The following CHCHD6 variants were observed in gnomAD, a reference collection of about 807,000 sequenced individuals.
CHCHD6 encodes coiled-coil-helix-coiled-coil-helix domain containing 6.
Under a neutral mutation model 32.3 loss-of-function variants are expected in CHCHD6, and 28 were observed. The ratio of observed to expected loss-of-function variants is 0.87; its 90% CI spans 0.64 to 1.19. CHCHD6 has a LOEUF of 1.19. CHCHD6 is among the 50% of genes most tolerant of loss of function. The pLI is 0.00. For missense variants in CHCHD6, 333 were observed against 307.0 expected, an observed-to-expected ratio of 1.08 and a Z score of -0.63; for synonymous variants, 122 against 117.5, an observed-to-expected ratio of 1.04 and a Z score of -0.25.
chr3:126,827,885 C>G (rs755184851), intron 4 of CHCHD6, among the ~76,000 whole-genome samples: 3 of 152,142 alleles, frequency 2.0e-5, no homozygotes, highest in African/African-American at 4.8e-5. Flanking sequence ...AGCACATGTT[C>G]AGAAATGTCA....
chr3:126,727,135 A>G lies in CHCHD6; in HGVS notation c.145A>G (p.Thr49Ala), dbSNP rs1935570879. ...GCCCAGCTCTCCACCCCCTGCTCCC[A>G]CATCTTCTACCTTTGGCCTTCAAGA... ...KEPSSPPPAP[T>A]SSTFGLQDGN... Residue 49 changes from threonine (T) to alanine (A), a missense_variant, in exon 2 of 8, where the codon ACA becomes GCA. Thr to Ala is a moderately conservative substitution (Grantham distance 58, BLOSUM62 0). Coordinates refer to ENST00000290913, the MANE Select transcript of CHCHD6 (RefSeq NM_032343.3). 3 of 1,614,094 alleles carry G rather than the reference A, an allele frequency of 1.9e-6. No homozygotes were observed.
At position 126,767,428 on chromosome 3, in the gene CHCHD6, A is replaced by G. The variant is rs540105865; in HGVS notation, c.411+34206A>G. On this transcript the variant is annotated intron_variant, in intron 4 of 7. Transcript: ENST00000290913. ...GGGCTCCTACTCTCTTGGTGTCACC[A>G]TGTCCCAGCTGCCCTTTCTCATTCC... 3.1e-5 allele frequency: 22 copies of G among 718,048 alleles called. No individual in the cohort carries two copies. In the East Asian group the frequency reaches 5.9e-4, roughly 19 times the overall value. 44.5% of individuals were successfully genotyped at this position (718,048 alleles called of 1,614,324 possible).
In CHCHD6 at chr3:126,760,403, T is replaced by C. The variant is rs185756173; in HGVS notation, c.411+27181T>C. ...GTATACAATTCATTGGCTTTAATTA[T>C]AGTCACAATGTTGTGCAACCATCAC... On this transcript the variant is annotated intron_variant, in intron 4 of 7. Transcript: ENST00000290913. Among the ~76,000 whole-genome samples, 161 of 152,342 alleles carry C rather than the reference T, an allele frequency of 1.1e-3. 2 individuals are homozygous for C. The East Asian group carries it at 0.026, about 25-fold the overall frequency.
intron 4 of CHCHD6, among the ~76,000 whole-genome samples, chr3:126,832,736 G>T (rs187973991): frequency 6.6e-6 from 1 of 152,310 alleles, no homozygotes; most frequent in East Asian, 1.9e-4. Context: ...TTTGGAAACA[G>T]GACTCAAGTA....
chr3:126,755,079 T>A (rs1356893600), intron 4 of CHCHD6, among the ~76,000 whole-genome samples: 2 of 152,206 alleles, frequency 1.3e-5, no homozygotes, highest in African/African-American at 2.4e-5. Flanking sequence ...GCCAGCTGTG[T>A]TCTGGCTCTA....
At chr3:126,793,678 A>G (rs1008157321) in intron 4 of CHCHD6, among the ~76,000 whole-genome samples, 2 of 152,134 alleles carry the variant, frequency 1.3e-5, no homozygotes, top group Admixed American at 6.5e-5. Context: ...CATTCCAAAC[A>G]TGTTCTCAGT....
chr3:126,798,221 A>G (rs1477594023), intron 4 of CHCHD6, among the ~76,000 whole-genome samples: 1 of 152,122 alleles, frequency 6.6e-6, no homozygotes, highest in African/African-American at 2.4e-5. Context: ...AGGAGTGCTG[A>G]GTAGTGAGAT....
At chr3:126,862,462 A>T (rs1282624283) in intron 5 of CHCHD6, among the ~76,000 whole-genome samples, 6 of 70,004 alleles carry the variant, frequency 8.6e-5, no homozygotes, top group Admixed American at 3.1e-4. Context: ...CTCCTCCTCC[A>T]CCATCACCAC....
chr3:126,914,327 AT>A (rs1219414050), intron 5 of CHCHD6, among the ~76,000 whole-genome samples: 2 of 152,236 alleles, frequency 1.3e-5, no homozygotes, highest in Non-Finnish European at 2.9e-5. Context: ...CAACTCTGCC[AT>A]TGTAGCACAG....
chr3:126,722,417 C>A (rs1194046992), intron 1 of CHCHD6, among the ~76,000 whole-genome samples: 5 of 152,204 alleles, frequency 3.3e-5, no homozygotes, highest in Non-Finnish European at 5.9e-5. Context: ...TTTGCCTCGG[C>A]CCTCCAAAAT....
chr3:126,796,753 G>T (rs1418932716), intron 4 of CHCHD6, among the ~76,000 whole-genome samples: 1 of 152,150 alleles, frequency 6.6e-6, no homozygotes, highest in Non-Finnish European at 1.5e-5. Flanking sequence ...GGGTTTCTGT[G>T]TGGGGATCGA....
intron 4 of CHCHD6, among the ~76,000 whole-genome samples, chr3:126,802,203 A>T (rs1939114036): frequency 6.6e-6 from 1 of 152,268 alleles, no homozygotes; most frequent in Admixed American, 6.5e-5. Flanking sequence ...AACGGAACAA[A>T]GCTGGATGGA....
intron 5 of CHCHD6, among the ~76,000 whole-genome samples, chr3:126,864,180 ACCTCCCCCT>A (rs1942135875): frequency 1.3e-5 from 1 of 74,724 alleles, no homozygotes. Flanking sequence ...CCACCTCCCC[ACCTCCCCCT>A]CCTCCACCAT....
intron 4 of CHCHD6, among the ~76,000 whole-genome samples, chr3:126,838,695 A>C (rs1940956965): frequency 6.6e-6 from 1 of 152,208 alleles, no homozygotes; most frequent in African/African-American, 2.4e-5. Flanking sequence ...CACCTACAGC[A>C]GGGCAGAATC....
intron 5 of CHCHD6, among the ~76,000 whole-genome samples, chr3:126,909,067 C>T (rs889659895): frequency 6.6e-6 from 1 of 152,314 alleles, no homozygotes; most frequent in South Asian, 2.1e-4. Flanking sequence ...CCTCAAGTGC[C>T]GTGACCCTCT....
chr3:126,729,377 A>G (rs1935678325), intron 2 of CHCHD6, among the ~76,000 whole-genome samples: 1 of 152,202 alleles, frequency 6.6e-6, no homozygotes, highest in Non-Finnish European at 1.5e-5. Flanking sequence ...GTGCACTCCA[A>G]GGGAGCGGGG....
At chr3:126,944,827 G>A (rs1372551948) in intron 6 of CHCHD6, among the ~76,000 whole-genome samples, 3 of 152,242 alleles carry the variant, frequency 2.0e-5, no homozygotes, top group African/African-American at 7.2e-5. Context: ...CGTGGGGGCA[G>A]TTGATGACAA....
intron 5 of CHCHD6, among the ~76,000 whole-genome samples, chr3:126,912,058 G>A (rs1472228165): frequency 6.6e-6 from 1 of 152,212 alleles, no homozygotes; most frequent in Non-Finnish European, 1.5e-5. Flanking sequence ...GGTGGGCTGA[G>A]GTGGGTGCTG....
intron 1 of CHCHD6, among the ~76,000 whole-genome samples, chr3:126,722,827 A>C (rs993880557): frequency 9.2e-5 from 14 of 152,138 alleles, no homozygotes; most frequent in African/African-American, 2.7e-4. Flanking sequence ...TTATTTATTT[A>C]TTTCTTTCAT....
Sources: gnomAD v4.1 joint callset for allele counts (sites outside exome capture counted in the v4.1 genomes callset) on GRCh38, gnomAD v4.1.1 for gene constraint, MANE v1.5 for transcripts, NCBI Gene and HGNC (gene_info 2026-07-23, HGNC 2026-07-21) for gene names.